The following CDH12 variants were observed in gnomAD, a reference collection of about 807,000 sequenced individuals.
The protein encoded by CDH12 is cadherin 12.
CDH12 carries 41 observed loss-of-function variants against 74.1 expected under a neutral mutation model. The ratio of observed to expected loss-of-function variants is 0.55; its 90% CI spans 0.43 to 0.72. The LOEUF is 0.72. CDH12 is among the 30% of genes least tolerant of loss of function. The pLI is 0.00. For synonymous variants in CDH12, 399 were observed against 355.0 expected (o/e 1.12, Z -1.39); for missense variants, 945 against 977.2 (o/e 0.97, Z 0.44).
intron 10 of CDH12, among the ~76,000 whole-genome samples, chr5:21,801,353 C>G (rs1380973417): frequency 6.6e-6 from 1 of 152,110 alleles, no homozygotes; most frequent in Admixed American, 6.6e-5. Flanking sequence ...TCTTTCGGGA[C>G]AGAAGATTCA....
rs140315346 is a variant in CDH12 at position 22,108,429 on chromosome 5, T to G, written c.-186-29567A>C. 1.8e-4 allele frequency among the ~76,000 whole-genome samples: 27 copies of G among 152,354 alleles called. No homozygotes were observed. In the East Asian group the frequency reaches 5.2e-3, roughly 29 times the overall value. Reference sequence around the variant, plus strand: ...CAATGCATAATCAAAAAGATAATATTTTTATGATACTCATAAGGAAAAGTA... The same window carrying G: ...CAATGCATAATCAAAAAGATAATATGTTTATGATACTCATAAGGAAAAGTA... On this transcript the variant is annotated intron_variant, in intron 4 of 14. Coordinates refer to ENST00000382254, the MANE Select transcript of CDH12 (RefSeq NM_004061.5).
At chr5:22,482,519 T>A (rs1746423479) in intron 2 of CDH12, among the ~76,000 whole-genome samples, 1 of 152,196 alleles carries the variant, frequency 6.6e-6, no homozygotes, top group South Asian at 2.1e-4. Flanking sequence ...AAACTTATCA[T>A]GTATATAACT....
chr5:22,841,127 G>A (rs1180453459), intron 1 of CDH12, among the ~76,000 whole-genome samples: 2 of 152,146 alleles, frequency 1.3e-5, no homozygotes, highest in African/African-American at 4.8e-5. Flanking sequence ...ATTTTCTCTT[G>A]AGGCTAATCT....
At chr5:22,532,826 CA>C (rs1737654731) in intron 1 of CDH12, among the ~76,000 whole-genome samples, 1 of 151,654 alleles carries the variant, frequency 6.6e-6, no homozygotes, top group South Asian at 2.1e-4. Flanking sequence ...GATTTTTTCA[CA>C]AATAAATATA....
intron 3 of CDH12, among the ~76,000 whole-genome samples, chr5:22,252,636 C>T (rs1347828154): frequency 1.3e-5 from 2 of 151,998 alleles, no homozygotes; most frequent in Admixed American, 1.3e-4. Context: ...TCAAATTGCA[C>T]CAAAGTGCAC....
At position 22,357,049 on chromosome 5, in the gene CDH12, A is replaced by G. The variant is rs576026719; in HGVS notation, c.-333+48208T>C. Among the ~76,000 whole-genome samples, 22 of 152,208 alleles carry G rather than the reference A, an allele frequency of 1.4e-4. No individual in the cohort carries two copies. In the South Asian group the frequency reaches 4.4e-3, roughly 30 times the overall value. On this transcript the variant is annotated intron_variant, in intron 3 of 14. Transcript: ENST00000382254. The stretch of plus-strand genomic sequence containing the variant: ...ATTAATTAGGTGTAGCAATTTATCT[A>G]TCTATCTAGCTAGATAGAGAGATAT...
At position 22,728,469 on chromosome 5, in the gene CDH12, G is replaced by A. The variant is rs367835909; in HGVS notation, c.-523+124589C>T. Among the ~76,000 whole-genome samples, 41 of 151,668 alleles carry A rather than the reference G, an allele frequency of 2.7e-4. 1 individual carries two copies. The Middle Eastern group carries it at 0.014, about 50-fold the overall frequency. ...CAATTGCTTTATCTATTTATATTTC[G>A]TGCTGGATATTTCATTCATAAAACT... On this transcript the variant is annotated intron_variant, in intron 1 of 14. Transcript: ENST00000382254.
intron 1 of CDH12, among the ~76,000 whole-genome samples, chr5:22,815,526 T>A (rs1318789228): frequency 6.6e-6 from 1 of 151,766 alleles, no homozygotes; most frequent in African/African-American, 2.4e-5. Flanking sequence ...TCCCAGCACT[T>A]TGGGAGGCTG....
Position 22,401,158 on chromosome 5 carries a change from T to C in CDH12, c.-333+4099A>G, listed in dbSNP as rs939988269. Among the ~76,000 whole-genome samples the C allele has an allele frequency of 4.6e-5, 7 of 152,206 alleles. No homozygotes were observed. In the East Asian group the frequency reaches 1.3e-3, roughly 29 times the overall value. On this transcript the variant is annotated intron_variant, in intron 3 of 14. Coordinates refer to ENST00000382254, the MANE Select transcript of CDH12 (RefSeq NM_004061.5). ...CTCAGACAACTATTTCAACTTTTTC[T>C]GATTCTTTCGGACACCATTGGAAGT...
chr5:22,299,297 G>A (rs1170004106), intron 3 of CDH12, among the ~76,000 whole-genome samples: 6 of 152,040 alleles, frequency 3.9e-5, no homozygotes, highest in Non-Finnish European at 2.9e-5. Flanking sequence ...GGGTTACCTA[G>A]GGCCATGTAG....
chr5:21,760,678 G>A lies in CDH12; in HGVS notation c.1516-3C>T. Reference sequence around the variant, plus strand: ...GCAGCACTGACTATCTGAATTATCTGCAACAGAGTTGAGATTAAAGTCGGT... The same window carrying A: ...GCAGCACTGACTATCTGAATTATCTACAACAGAGTTGAGATTAAAGTCGGT... On this transcript the variant is annotated splice_polypyrimidine_tract_variant and splice_region_variant and intron_variant, in intron 12 of 14. Coordinates refer to ENST00000382254, the MANE Select transcript of CDH12 (RefSeq NM_004061.5). The A allele has an allele frequency of 6.5e-7, 1 of 1,529,440 alleles. No homozygotes were observed. The highest frequency in any genetic ancestry group is 9.1e-7 in the Non-Finnish European group (1 of 1,103,308). 94.7% of individuals were successfully genotyped at this position (1,529,440 alleles called of 1,614,324 possible). A position where few individuals can be genotyped will look rare whatever the true frequency, so the allele number is the denominator to read the frequency against.
intron 2 of CDH12, among the ~76,000 whole-genome samples, chr5:22,499,199 C>A (rs1322866719): frequency 1.3e-5 from 2 of 151,934 alleles, no homozygotes; most frequent in East Asian, 3.9e-4. Context: ...TAGGCATGAC[C>A]CACCGTGCTC....
intron 6 of CDH12, among the ~76,000 whole-genome samples, chr5:21,899,412 T>C (rs1283763856): frequency 6.6e-6 from 1 of 152,170 alleles, no homozygotes; most frequent in African/African-American, 2.4e-5. Context: ...AAGCATGTCA[T>C]GGACATGTTA....
At chr5:22,278,874 T>A (rs907195349) in intron 3 of CDH12, among the ~76,000 whole-genome samples, 26 of 152,168 alleles carry the variant, frequency 1.7e-4, no homozygotes, top group African/African-American at 6.3e-4. Context: ...ACAAAATAAA[T>A]CTTCAAATAT....
intron 1 of CDH12, among the ~76,000 whole-genome samples, chr5:22,533,662 G>T (rs905704799): frequency 6.6e-6 from 1 of 152,142 alleles, no homozygotes; most frequent in Non-Finnish European, 1.5e-5. Context: ...GATGTAGGTT[G>T]GGTTTAGAAT....
At chr5:22,236,058 G>T (rs917519272) in intron 3 of CDH12, among the ~76,000 whole-genome samples, 8 of 152,272 alleles carry the variant, frequency 5.3e-5, no homozygotes, top group African/African-American at 1.9e-4. Context: ...CAGTAGAAAA[G>T]ATTAAAAATG....
chr5:22,279,084 A>AT (rs1338147512), intron 3 of CDH12, among the ~76,000 whole-genome samples: 1 of 152,104 alleles, frequency 6.6e-6, no homozygotes, highest in East Asian at 1.9e-4. Context: ...ATATTTACTC[A>AT]TTTTCCATAC....
intron 1 of CDH12, among the ~76,000 whole-genome samples, chr5:22,573,177 T>G (rs957418647): frequency 6.6e-6 from 1 of 152,192 alleles, no homozygotes; most frequent in African/African-American, 2.4e-5. Context: ...TTAAACTTGT[T>G]TTTTGTTGCT....
chr5:22,612,061 C>T (rs1737431646), intron 1 of CDH12, among the ~76,000 whole-genome samples: 1 of 152,110 alleles, frequency 6.6e-6, no homozygotes, highest in Non-Finnish European at 1.5e-5. Flanking sequence ...GTATAAAATA[C>T]TTTAATATTT....
Sources: allele counts gnomAD v4.1 joint callset (sites outside exome capture counted in the v4.1 genomes callset), GRCh38; gene constraint gnomAD v4.1.1; transcripts MANE v1.5; gene names NCBI Gene and HGNC (gene_info 2026-07-23, HGNC 2026-07-21).